The following RBPJ variants were observed in gnomAD, a reference collection of about 807,000 sequenced individuals.
RBPJ encodes the protein recombination signal binding protein for immunoglobulin kappa J region, also known as recombining binding protein suppressor of hairless.
In RBPJ, 9 loss-of-function variants were observed where a neutral mutation model predicts 67.8. The observed-to-expected ratio is 0.13, with a 90% CI of 0.08 to 0.23. The LOEUF (loss-of-function observed/expected upper bound fraction) is 0.23. RBPJ is among the 10% of genes least tolerant of loss of function. The pLI is 1.00. For synonymous variants in RBPJ, 198 were observed against 203.3 expected (o/e 0.97, Z 0.22); for missense variants, 305 against 595.6 (o/e 0.51, Z 5.08).
chr4:26,242,446 CAAAA>C (rs111654269), intron 1 of RBPJ, among the ~76,000 whole-genome samples: 1 of 112,130 alleles, frequency 8.9e-6, no homozygotes, highest in Non-Finnish European at 1.9e-5. Context: ...GACTCTGTCT[CAAAA>C]AAAAAAAAAA....
chr4:26,200,396 CG>C (rs1717940564), intron 1 of RBPJ, among the ~76,000 whole-genome samples: 1 of 152,144 alleles, frequency 6.6e-6, no homozygotes, highest in African/African-American at 2.4e-5. Flanking sequence ...TGGCCAGATA[CG>C]GTGGCCCATG....
chr4:26,316,904 A>T, upstream of RBPJ, among the ~76,000 whole-genome samples: 1 of 122,738 alleles, frequency 8.1e-6, no homozygotes, highest in African/African-American at 3.2e-5. Context: ...TCTCCTCCCT[A>T]GGCAGGCTAG....
intron 1 of RBPJ, among the ~76,000 whole-genome samples, chr4:26,191,206 TATATAGAGAGAGAGAGAG>T (rs1251796154): frequency 9.8e-5 from 3 of 30,458 alleles, no homozygotes; most frequent in African/African-American, 3.5e-4. Flanking sequence ...TATATATATA[TATATAGAGAGAGAGAGAG>T]AGAGAGAGAG....
intron 2 of RBPJ, among the ~76,000 whole-genome samples, chr4:26,396,045 A>G (rs1042325365): frequency 5.9e-5 from 9 of 152,232 alleles, no homozygotes; most frequent in African/African-American, 2.2e-4. Flanking sequence ...AATTGTGAGC[A>G]TAGGTAGACA....
intron 1 of RBPJ, among the ~76,000 whole-genome samples, chr4:26,215,890 A>AC (rs1718708843): frequency 6.6e-6 from 1 of 152,182 alleles, no homozygotes; most frequent in African/African-American, 2.4e-5. Flanking sequence ...GGGGCATGGC[A>AC]CTGCATTGGC....
At chr4:26,113,798 C>G in the RBPJ span, 1 of 243,718 alleles carries the variant, frequency 4.1e-6, no homozygotes, top group Non-Finnish European at 9.1e-6. Flanking sequence ...CACCAAACAT[C>G]AGAGAATTCA....
At chr4:26,300,733 A>T (rs1722047376) in intron 1 of RBPJ, among the ~76,000 whole-genome samples, 1 of 152,198 alleles carries the variant, frequency 6.6e-6, no homozygotes, top group Admixed American at 6.5e-5. Flanking sequence ...AAGGGCCTTG[A>T]CCTGTCTCTC....
At chr4:26,128,045 T>C in the RBPJ span, among the ~76,000 whole-genome samples, 1 of 152,232 alleles carries the variant, frequency 6.6e-6, no homozygotes, top group African/African-American at 2.4e-5. Context: ...CTGCAAGAGA[T>C]GGCATGGCCT....
intron 1 of RBPJ, among the ~76,000 whole-genome samples, chr4:26,294,414 G>C (rs977305744): frequency 6.6e-6 from 1 of 152,128 alleles, no homozygotes; most frequent in Non-Finnish European, 1.5e-5. Flanking sequence ...TTTAAATTTA[G>C]GAGTAAGATG....
the RBPJ span, among the ~76,000 whole-genome samples, chr4:26,128,109 A>G: frequency 0.011 from 1,737 of 152,332 alleles, 26 homozygotes; most frequent in African/African-American, 0.038. Flanking sequence ...GGCAAATACT[A>G]GTCCCTCCTC....
chr4:26,342,312 T>A (rs1277032924), intron 1 of RBPJ, among the ~76,000 whole-genome samples: 1 of 147,156 alleles, frequency 6.8e-6, no homozygotes, highest in Non-Finnish European at 1.5e-5. Context: ...AGCCAGGAGG[T>A]CTCTAGTTGC....
intron 2 of RBPJ, among the ~76,000 whole-genome samples, chr4:26,405,124 C>A (rs1733262326): frequency 6.6e-6 from 1 of 152,052 alleles, no homozygotes; most frequent in Non-Finnish European, 1.5e-5. Flanking sequence ...TCCTTTAATC[C>A]CCTCAGCCAC....
intron 1 of RBPJ, among the ~76,000 whole-genome samples, chr4:26,376,549 GT>G (rs1163904073): frequency 6.6e-6 from 1 of 152,134 alleles, no homozygotes; most frequent in East Asian, 1.9e-4. Context: ...CATTTGAGTT[GT>G]TTTCCACCTT....
At chr4:26,113,788 C>A in the RBPJ span, 1 of 249,054 alleles carries the variant, frequency 4.0e-6, no homozygotes, top group South Asian at 6.5e-5. Context: ...AATCAGCTCT[C>A]ACCAAACATC....
In RBPJ at chr4:26,432,225, A is replaced by T. The variant is rs1736300978; in HGVS notation, c.*1218A>T. On this transcript the variant is annotated 3_prime_UTR_variant, in exon 11 of 11. Coordinates refer to ENST00000355476, the MANE Select transcript of RBPJ (RefSeq NM_015874.6). ...AATGTCCGCAAAAGCATGTTTTATT[A>T]TCTTTACTTTTTTGGGGGGTTGGAG... The T allele has an allele frequency of 6.6e-6, 1 of 152,264 alleles. No individual in the cohort carries two copies. Among genetic ancestry groups the T allele is most frequent in the Admixed American group, 6.5e-5 (1 of 15,284 alleles). The allele number at this position is 152,264 out of a possible 1,614,324, so 9.4% of individuals were successfully genotyped here. A position where few individuals can be genotyped will look rare whatever the true frequency, so the allele number is the denominator to read the frequency against.
chr4:26,319,813 C>A, upstream of RBPJ: 1 of 1,486,848 alleles, frequency 6.7e-7, no homozygotes. Flanking sequence ...TTGGGGCTCC[C>A]TGCGGGAGGC....
intron 2 of RBPJ, among the ~76,000 whole-genome samples, chr4:26,387,174 T>A (rs1480660195): frequency 6.6e-6 from 1 of 152,174 alleles, no homozygotes; most frequent in Non-Finnish European, 1.5e-5. Context: ...ACTTTTAATA[T>A]TTCACATTGA....
intron 1 of RBPJ, among the ~76,000 whole-genome samples, chr4:26,269,540 G>A (rs1236353117): frequency 6.6e-6 from 1 of 152,136 alleles, no homozygotes; most frequent in Non-Finnish European, 1.5e-5. Context: ...AAAGGTGTGA[G>A]CCACCTCGCC....
intron 1 of RBPJ, among the ~76,000 whole-genome samples, chr4:26,250,979 A>C (rs187993111): frequency 6.6e-6 from 1 of 152,342 alleles, no homozygotes; most frequent in African/African-American, 2.4e-5. Flanking sequence ...CATTTCTTAA[A>C]GTGGAGTTTG....
Sources: allele counts gnomAD v4.1 joint callset (sites outside exome capture counted in the v4.1 genomes callset), GRCh38; gene constraint gnomAD v4.1.1; transcripts MANE v1.5; gene names NCBI Gene and HGNC (gene_info 2026-07-23, HGNC 2026-07-21).